COL24A1: variants seen among roughly 807,000 people sequenced by gnomAD.
COL24A1 encodes collagen alpha-1(XXIV) chain.
In COL24A1, 224 loss-of-function variants were observed where a neutral mutation model predicts 253.9. The ratio of observed to expected loss-of-function variants is 0.88; its 90% confidence interval spans 0.79 to 0.99. COL24A1 has a LOEUF of 0.99. Ranked by LOEUF, COL24A1 falls within the 50% of genes least tolerant of loss-of-function variation. The pLI is 0.00. For missense variants in COL24A1, 2,131 were observed against 2,068.5 expected (o/e 1.03, Z -0.59); for synonymous variants, 685 against 673.7 (o/e 1.02, Z -0.26).
intron 11 of COL24A1, 55 bp downstream of exon 11, chr1:86,050,069 T>C (rs887421647): frequency 6.0e-6 from 9 of 1,494,408 alleles, no homozygotes; most frequent in African/African-American, 1.4e-5. Flanking sequence ...ACCCCCATTG[T>C]ACATTATCAC....
At chr1:86,112,287 C>T (rs916529733) in intron 5 of COL24A1, among the ~76,000 whole-genome samples, 1 of 151,946 alleles carries the variant, frequency 6.6e-6, no homozygotes, top group African/African-American at 2.4e-5. Flanking sequence ...CAGAGGTTTC[C>T]ATACATTGCC....
Position 85,850,846 on chromosome 1 carries a change from C to T in COL24A1, c.3301-1440G>A, listed in dbSNP as rs1570912722. On this transcript the variant is annotated intron_variant, in intron 37 of 59. Coordinates refer to ENST00000370571, the MANE Select transcript of COL24A1 (RefSeq NM_152890.7). ...CTTATGATGAAGAGCTCAAAATATG[C>T]TAGTCGTTATTAACTTCTGCTGTTT... 5.3e-5 allele frequency among the ~76,000 whole-genome samples: 8 copies of T among 152,106 alleles called. 1 individual carries two copies. The highest frequency in any genetic ancestry group is 5.2e-4 in the Admixed American group (8 of 15,250).
At chr1:85,975,361 A>C (rs532186) in intron 20 of COL24A1, among the ~76,000 whole-genome samples, 1 of 152,120 alleles carries the variant, frequency 6.6e-6, no homozygotes, top group Non-Finnish European at 1.5e-5. Flanking sequence ...CAGAATCAAC[A>C]TAAGTATCCA....
At chr1:85,932,728 A>T (rs1189931748) in intron 24 of COL24A1, among the ~76,000 whole-genome samples, 1 of 108,510 alleles carries the variant, frequency 9.2e-6, no homozygotes, top group Admixed American at 1.0e-4. Flanking sequence ...AAAATGTGGC[A>T]CATATACACC....
At chr1:86,086,745 A>C (rs980465532) in intron 7 of COL24A1, among the ~76,000 whole-genome samples, 7 of 152,178 alleles carry the variant, frequency 4.6e-5, no homozygotes, top group African/African-American at 1.7e-4. Flanking sequence ...TCATAAGGAA[A>C]TATTGTATAT....
At chr1:85,758,074 A>G (rs1249371416) in intron 55 of COL24A1, among the ~76,000 whole-genome samples, 2 of 152,158 alleles carry the variant, frequency 1.3e-5, no homozygotes, top group Non-Finnish European at 2.9e-5. Flanking sequence ...TGTAATCTTC[A>G]TAATTCTCTC....
intron 47 of COL24A1, among the ~76,000 whole-genome samples, chr1:85,797,207 C>G: frequency 1.5e-5 from 1 of 66,202 alleles, no homozygotes; most frequent in Middle Eastern, 7.7e-3. Flanking sequence ...GACTCCGTCT[C>G]AAAAAAAAAA....
intron 24 of COL24A1, 29 bp from the exon 25 acceptor site, chr1:85,911,462 A>G (rs1224865403): frequency 6.4e-7 from 1 of 1,574,396 alleles, no homozygotes; most frequent in Non-Finnish European, 8.7e-7. Context: ...AACAGAAAAT[A>G]CACACATATT....
intron 47 of COL24A1, among the ~76,000 whole-genome samples, chr1:85,795,572 G>A (rs1432810146): frequency 6.6e-6 from 1 of 152,002 alleles, no homozygotes; most frequent in Non-Finnish European, 1.5e-5. Context: ...ATAGTAGAAT[G>A]ACAAAATGAC....
At position 86,050,112 on chromosome 1, in the gene COL24A1, G is replaced by C; in HGVS notation, c.1905+12C>G. On this transcript the variant is annotated intron_variant, in intron 11 of 59. Coordinates refer to ENST00000370571, the MANE Select transcript of COL24A1 (RefSeq NM_152890.7). ...TCACTTTAGAAATACTATTTGAAGGGAATGGACTTACCCGTTCTCCTTCAG... is the reference window on the plus strand; with the variant it reads ...TCACTTTAGAAATACTATTTGAAGGCAATGGACTTACCCGTTCTCCTTCAG... 1 of 1,610,440 alleles carries C rather than the reference G, an allele frequency of 6.2e-7. No individual in the cohort carries two copies. Among genetic ancestry groups the C allele is most frequent in the Non-Finnish European group, 8.5e-7 (1 of 1,176,968 alleles).
chr1:85,818,508 G>GAGGA (rs1174042722), intron 45 of COL24A1, among the ~76,000 whole-genome samples: 2 of 152,156 alleles, frequency 1.3e-5, no homozygotes, highest in Non-Finnish European at 2.9e-5. Flanking sequence ...TCCTTACAAG[G>GAGGA]CACTTACAGT....
At chr1:86,114,803 T>C (rs1201285422) in intron 4 of COL24A1, among the ~76,000 whole-genome samples, 2 of 152,222 alleles carry the variant, frequency 1.3e-5, no homozygotes, top group South Asian at 2.1e-4. Context: ...ATCCACACTT[T>C]TTTTAGGTTT....
intron 24 of COL24A1, among the ~76,000 whole-genome samples, chr1:85,911,663 G>A (rs1439512952): frequency 6.6e-6 from 1 of 152,050 alleles, no homozygotes; most frequent in Non-Finnish European, 1.5e-5. Context: ...CAGGCACTAC[G>A]CTGGGAGGCA....
intron 12 of COL24A1, among the ~76,000 whole-genome samples, chr1:86,040,204 C>G (rs1385125590): frequency 6.6e-6 from 1 of 152,190 alleles, no homozygotes; most frequent in Non-Finnish European, 1.5e-5. Context: ...TTGCCATTTG[C>G]CCTCCTAGAG....
Position 86,061,291 on chromosome 1 carries a change from C to T in COL24A1, c.1753-2117G>A, listed in dbSNP as rs984825524. On this transcript the variant is annotated intron_variant, in intron 8 of 59. Transcript: ENST00000370571. ...CCATCCAATTCCAAAACACATAGGC[C>T]CACATTCTAGAGATTCACAAAACCT... Among the ~76,000 whole-genome samples the T allele has an allele frequency of 2.0e-5, 3 of 151,962 alleles. No homozygotes were observed. The South Asian group carries it at 6.2e-4, about 32-fold the overall frequency.
chr1:85,943,447 G>A (rs1007829879), intron 24 of COL24A1, among the ~76,000 whole-genome samples: 6 of 152,126 alleles, frequency 3.9e-5, no homozygotes, highest in Non-Finnish European at 7.4e-5. Flanking sequence ...CACAAATTTG[G>A]TATGGGAAAG....
At chr1:85,860,337 A>C (rs1407397062) in intron 37 of COL24A1, among the ~76,000 whole-genome samples, 3 of 152,144 alleles carry the variant, frequency 2.0e-5, no homozygotes, top group East Asian at 3.9e-4. Context: ...CCAAAATCTC[A>C]TTATCATAAG....
chr1:86,048,996 C>T (rs1214430678), intron 11 of COL24A1, among the ~76,000 whole-genome samples: 1 of 152,162 alleles, frequency 6.6e-6, no homozygotes. Flanking sequence ...TTATCACGAA[C>T]AGCAGAGTAA....
chr1:85,869,777 A>C (rs1209227047), intron 35 of COL24A1, among the ~76,000 whole-genome samples: 2 of 152,212 alleles, frequency 1.3e-5, no homozygotes, highest in Non-Finnish European at 2.9e-5. Context: ...TGCTAGGAAG[A>C]AACTGCATCA....
Sources: allele counts gnomAD v4.1 joint callset (sites outside exome capture counted in the v4.1 genomes callset), GRCh38; gene constraint gnomAD v4.1.1; transcripts MANE v1.5; gene names NCBI Gene and HGNC (gene_info 2026-07-23, HGNC 2026-07-21).